Variants in SH2D3C observed in about 807,000 individuals in gnomAD.
SH2D3C encodes SH2 domain-containing protein 3C.
In SH2D3C, 25 loss-of-function variants were observed where a neutral mutation model predicts 75.2. The ratio of observed to expected loss-of-function variants is 0.33; its 90% CI spans 0.24 to 0.46. The LOEUF (loss-of-function observed/expected upper bound fraction) is 0.46. Ranked by LOEUF, SH2D3C falls within the 20% of genes least tolerant of loss-of-function variation. The pLI, the probability that SH2D3C is intolerant of heterozygous loss-of-function variation, is 1.00. For synonymous variants in SH2D3C, 450 were observed against 473.7 expected (o/e 0.95, Z 0.65); for missense variants, 933 against 1,165.3 (o/e 0.80, Z 2.90).
chr9:127,752,772 A>C (rs1371899032), intron 3 of SH2D3C, among the ~76,000 whole-genome samples: 1 of 152,146 alleles, frequency 6.6e-6, no homozygotes, highest in Non-Finnish European at 1.5e-5. Context: ...CTGAGGACCC[A>C]AGGTGGCCTC....
chr9:127,744,674 G>A lies in SH2D3C; in HGVS notation c.1690C>T (p.Pro564Ser), dbSNP rs1844969210. The A allele has an allele frequency of 6.2e-7, 1 of 1,614,076 alleles. No individual in the cohort carries two copies. The highest frequency in any genetic ancestry group is 1.1e-5 in the South Asian group (1 of 91,088). The change falls in exon 7 of 12, where the codon CCC (proline) becomes TCC (serine). Residue 564 changes from proline to serine, a missense_variant. Transcript: ENST00000314830. ...ACCTCCAGTGGCCGGTTATCCCTGG[G>A]GATCAGTAGTGACTGGAAGGTGGCC... ...NPATFQSLLI[P>S]RDNRPLEVGL...
intron 9 of SH2D3C, among the ~76,000 whole-genome samples, chr9:127,740,750 G>A (rs760601584): frequency 7.2e-5 from 11 of 152,278 alleles, no homozygotes; most frequent in Non-Finnish European, 1.0e-4. Flanking sequence ...GCGCAATCTC[G>A]GCTCACTGCA....
At chr9:127,776,871 G>A (rs1042857730) in intron 1 of SH2D3C, among the ~76,000 whole-genome samples, 5 of 152,218 alleles carry the variant, frequency 3.3e-5, no homozygotes, top group South Asian at 2.1e-4. Context: ...CCTGAGAAAC[G>A]TGTCGGCAAA....
At chr9:127,752,544 C>T (rs931574411) in intron 3 of SH2D3C, among the ~76,000 whole-genome samples, 3 of 152,068 alleles carry the variant, frequency 2.0e-5, no homozygotes, top group Non-Finnish European at 4.4e-5. Flanking sequence ...CCTGAGAGTC[C>T]GAAGGTCCTC....
chr9:127,761,011 T>C (rs934931070), intron 3 of SH2D3C, among the ~76,000 whole-genome samples: 2 of 152,072 alleles, frequency 1.3e-5, no homozygotes, highest in Admixed American at 6.6e-5. Context: ...GGCTAATTTT[T>C]TGTATTTTTA....
Position 127,774,359 on chromosome 9 carries a change from G to C in SH2D3C, c.146C>G (p.Thr49Ser). Residue 49 changes from threonine to serine, a missense_variant, in exon 2 of 12, where the codon ACC (threonine) becomes AGC (serine). Coordinates refer to ENST00000314830, the MANE Select transcript of SH2D3C (RefSeq NM_170600.3). This position sits in a 1 kb window ranked among gnomAD's most constrained non-coding sequence, Gnocchi z 4.3. ...CATGTCATCCTGCGTGGCTTCAAAG[G>C]TGTCAGGCTCCAAATGGGACTGCCT... ...ISRQSHLEPD[T>S]FEATQDDMVT... The C allele has an allele frequency of 6.2e-7, 1 of 1,613,702 alleles. No homozygotes were observed. The highest frequency in any genetic ancestry group is 1.1e-5 in the South Asian group (1 of 91,072).
chr9:127,759,436 G>A (rs1184025475), intron 3 of SH2D3C, among the ~76,000 whole-genome samples: 3 of 152,122 alleles, frequency 2.0e-5, no homozygotes, highest in Non-Finnish European at 4.4e-5. Flanking sequence ...GGCTGGCCTC[G>A]AACTGCTGAC....
In SH2D3C at chr9:127,771,499, G is replaced by C. The variant is rs1026255090; in HGVS notation, c.515+2491C>G. 7 of 677,732 alleles carry C rather than the reference G, an allele frequency of 1.0e-5. No homozygotes were observed. In the African/African-American group the frequency reaches 1.3e-4, roughly 13 times the overall value. The allele number at this position is 677,732 out of a possible 1,614,324, so 42.0% of individuals were successfully genotyped here. On this transcript the variant is annotated intron_variant, in intron 2 of 11. Transcript: ENST00000314830. ...CCTCCCCATCAGTCAGTGTCGGGAA[G>C]GCCTCGCCCCCTAGCACACCCCTCC...
At chr9:127,761,987 A>C in intron 2 of SH2D3C, 1 of 294,850 alleles carries the variant, frequency 3.4e-6, no homozygotes, top group Non-Finnish European at 6.4e-6. Context: ...TCTTCACTGG[A>C]CTCCAGACAC....
Position 127,745,001 on chromosome 9 carries a change from T to C in SH2D3C, c.1363A>G (p.Ser455Gly), listed in dbSNP as rs1844981201. ...GACTCCCCATGGGTCTTTGGGGCAC[T>C]TCCGGGACACAGCTGGGGCTCACTG... ...RSSEPQLCPG[S>G]APKTHGESDK... The change falls in exon 7 of 12, where the codon AGT (serine) becomes GGT (glycine). Residue 455 changes from serine to glycine, a missense_variant. Transcript: ENST00000314830. 2.6e-6 allele frequency: 4 copies of C among 1,521,720 alleles called. No homozygotes were observed. Among genetic ancestry groups the C allele is most frequent in the African/African-American group, 2.8e-5 (2 of 71,868 alleles). The allele number at this position is 1,521,720 out of a possible 1,614,324, so 94.3% of individuals were successfully genotyped here.
Position 127,751,106 on chromosome 9 carries a change from G to A in SH2D3C, c.684+66C>T, listed in dbSNP as rs771509200. 40 of 1,559,926 alleles carry A rather than the reference G, an allele frequency of 2.6e-5. No individual in the cohort carries two copies. Among genetic ancestry groups the A allele is most frequent in the Non-Finnish European group, 2.7e-5 (31 of 1,138,262 alleles). ...AGCCTCCCAGGTGGCTGCAGCCAGG[G>A]CTGGGGCTGGCCAAGGCAGTGGGTG... On this transcript the variant is annotated intron_variant, in intron 4 of 11. Coordinates refer to ENST00000314830, the MANE Select transcript of SH2D3C (RefSeq NM_170600.3). The surrounding 1 kb of genome is among the most constrained non-coding windows in gnomAD (Gnocchi z 4.1).
At chr9:127,748,580 G>A (rs1845103097) in intron 5 of SH2D3C, among the ~76,000 whole-genome samples, 1 of 152,268 alleles carries the variant, frequency 6.6e-6, no homozygotes, top group East Asian at 1.9e-4. Context: ...TCTACAAATT[G>A]GGTGTATGGG....
intron 4 of SH2D3C, among the ~76,000 whole-genome samples, chr9:127,750,236 C>T (rs1040215996): frequency 6.6e-6 from 1 of 151,918 alleles, no homozygotes; most frequent in African/African-American, 2.4e-5. Context: ...CTCACTGCAA[C>T]CTCCGCCTCC....
At chr9:127,762,664 C>T (rs1160591055) in intron 2 of SH2D3C, among the ~76,000 whole-genome samples, 1 of 152,238 alleles carries the variant, frequency 6.6e-6, no homozygotes, top group Non-Finnish European at 1.5e-5. Context: ...ACCCTCGTGT[C>T]TCCAGTGGAG....
intron 3 of SH2D3C, 81 bp downstream of exon 3, chr9:127,761,530 G>T: frequency 9.9e-7 from 1 of 1,005,670 alleles, no homozygotes; most frequent in South Asian, 1.4e-5. Flanking sequence ...AAGGCTTGAG[G>T]AAGGGCTCTG....
Position 127,741,799 on chromosome 9 carries a change from C to T in SH2D3C, c.2077G>A (p.Asp693Asn). The T allele has an allele frequency of 6.2e-7, 1 of 1,613,060 alleles. No homozygotes were observed. Among genetic ancestry groups the T allele is most frequent in the Non-Finnish European group, 8.5e-7 (1 of 1,179,882 alleles). ...FSFAAVMGAL[D>N]MAQISRLEQT... ...GCGGCTCTCAGTACCTGGGCCATGT[C>T]CAGGGCACCCATGACCGCCGCGAAG... The change falls in exon 9 of 12, where the codon GAC (aspartate) becomes AAC (asparagine). Residue 693 changes from aspartate to asparagine, a missense_variant. Asp to Asn is a conservative substitution (Grantham distance 23, BLOSUM62 1). Transcript: ENST00000314830.
chr9:127,750,986 G>T (rs932726747), intron 4 of SH2D3C, among the ~76,000 whole-genome samples, 186 bp downstream of exon 4: 1 of 152,244 alleles, frequency 6.6e-6, no homozygotes, highest in Non-Finnish European at 1.5e-5. Context: ...GCTCGGAGAG[G>T]TGAAGCAACT....
At chr9:127,745,220 C>T in intron 6 of SH2D3C, 121 bp from the exon 7 acceptor site, 1 of 743,522 alleles carries the variant, frequency 1.3e-6, no homozygotes. Flanking sequence ...GGTGATGTCC[C>T]CACCTCCCTG....
At chr9:127,742,780 G>T in intron 8 of SH2D3C, 69 bp downstream of exon 8, 1 of 1,253,252 alleles carries the variant, frequency 8.0e-7, no homozygotes, top group Non-Finnish European at 1.1e-6. Context: ...TGGCCAACCC[G>T]CCCCGTCCAG....
Sources: gnomAD v4.1 joint callset for allele counts (sites outside exome capture counted in the v4.1 genomes callset) on GRCh38, gnomAD v4.1.1 for gene constraint, Gnocchi (gnomAD v3.1) non-coding constraint, MANE v1.5 for transcripts, NCBI Gene and HGNC (gene_info 2026-07-23, HGNC 2026-07-21) for gene names.